The following NEK11 variants were observed in gnomAD, a reference collection of about 807,000 sequenced individuals.
The protein encoded by NEK11 is NIMA related kinase 11.
In NEK11, 72 loss-of-function variants were observed where a neutral mutation model predicts 80.7. The observed-to-expected ratio is 0.89, with a 90% CI of 0.74 to 1.08. NEK11 has a LOEUF of 1.08. NEK11 is among the 50% of genes least tolerant of loss of function. NEK11 has a pLI of 0.00. For synonymous variants in NEK11, 251 were observed against 260.7 expected (o/e 0.96, Z 0.36); for missense variants, 764 against 763.6 (o/e 1.00, Z -0.01).
rs909808205 is a variant in NEK11, at chr3:131,070,827, T to G, written c.171-9596T>G. 3.9e-5 allele frequency among the ~76,000 whole-genome samples: 6 copies of G among 152,174 alleles called. No homozygotes were observed. In the East Asian group the frequency reaches 1.2e-3, roughly 29 times the overall value. On this transcript the variant is annotated intron_variant, in intron 3 of 17. Transcript: ENST00000383366. ...CAGAATTGATGGTCTGTTTCCTCCT[T>G]CAAGAGGTAAATGGTGGCTCCATTG... is the stretch of plus-strand genomic sequence containing the variant.
chr3:131,040,832 A>G (rs768317161), intron 3 of NEK11, among the ~76,000 whole-genome samples: 45 of 152,148 alleles, frequency 3.0e-4, no homozygotes, highest in Non-Finnish European at 5.1e-4. Context: ...TTGGGTGTCA[A>G]TTTTCTCAGT....
intron 13 of NEK11, among the ~76,000 whole-genome samples, chr3:131,170,524 G>A (rs1265369986): frequency 1.3e-5 from 2 of 152,130 alleles, no homozygotes; most frequent in Non-Finnish European, 2.9e-5. Context: ...CATCCCACTT[G>A]GCTTATCTAG....
At chr3:131,311,168 T>C (rs1052841822) in intron 17 of NEK11, among the ~76,000 whole-genome samples, 6 of 152,358 alleles carry the variant, frequency 3.9e-5, no homozygotes, top group Middle Eastern at 3.4e-3. Flanking sequence ...GGGATACATG[T>C]GATATTTTGT....
chr3:131,237,525 G>T (rs1356907949), intron 15 of NEK11, among the ~76,000 whole-genome samples: 1 of 152,110 alleles, frequency 6.6e-6, no homozygotes, highest in Non-Finnish European at 1.5e-5. Context: ...TCCTAAATGT[G>T]TGCCTTCTAT....
At chr3:131,176,034 C>G (rs896644942) in intron 14 of NEK11, among the ~76,000 whole-genome samples, 1 of 152,110 alleles carries the variant, frequency 6.6e-6, no homozygotes, top group Non-Finnish European at 1.5e-5. Flanking sequence ...GGGGTCCTTT[C>G]CAAGGAGGAA....
intron 17 of NEK11, among the ~76,000 whole-genome samples, chr3:131,318,215 T>C (rs1216173549): frequency 2.0e-5 from 3 of 152,166 alleles, no homozygotes; most frequent in African/African-American, 7.2e-5. Context: ...CCTACTTCAG[T>C]TGTGCCATAG....
At chr3:131,335,260 G>C (rs2097161855) in intron 17 of NEK11, among the ~76,000 whole-genome samples, 1 of 152,142 alleles carries the variant, frequency 6.6e-6, no homozygotes, top group Non-Finnish European at 1.5e-5. Context: ...ACATCAAAAA[G>C]CTTATCCACC....
chr3:131,284,604 G>A (rs1039634181), intron 17 of NEK11, among the ~76,000 whole-genome samples: 4 of 152,208 alleles, frequency 2.6e-5, no homozygotes. Flanking sequence ...ATTTGAGTCA[G>A]TGGACTGGGA....
intron 16 of NEK11, among the ~76,000 whole-genome samples, chr3:131,254,926 A>G (rs1381500658): frequency 6.6e-6 from 1 of 151,936 alleles, no homozygotes; most frequent in Non-Finnish European, 1.5e-5. Flanking sequence ...AGGCTGAGGC[A>G]GGAGAATCGC....
intron 17 of NEK11, among the ~76,000 whole-genome samples, chr3:131,348,372 A>C (rs1239875229): frequency 6.6e-6 from 1 of 152,112 alleles, no homozygotes; most frequent in Non-Finnish European, 1.5e-5. Context: ...GAAGAACCGC[A>C]AAACAAAATC....
intron 14 of NEK11, among the ~76,000 whole-genome samples, chr3:131,207,012 C>T (rs1285662446): frequency 6.6e-6 from 1 of 152,132 alleles, no homozygotes; most frequent in East Asian, 1.9e-4. Context: ...TTTTTTATGG[C>T]TGCATAGTAT....
intron 14 of NEK11, among the ~76,000 whole-genome samples, chr3:131,183,074 C>T (rs553045091): frequency 1.3e-5 from 2 of 152,246 alleles, no homozygotes; most frequent in Admixed American, 6.5e-5. Context: ...ACAGGACCAA[C>T]CTTTGTGTGT....
chr3:131,156,063 C>A (rs1266672334), intron 10 of NEK11, among the ~76,000 whole-genome samples: 1 of 152,124 alleles, frequency 6.6e-6, no homozygotes, highest in Non-Finnish European at 1.5e-5. Flanking sequence ...AAATACTGGA[C>A]TAGTTTTAGC....
chr3:131,080,218 C>T (rs1193048019), intron 3 of NEK11, among the ~76,000 whole-genome samples: 1 of 152,018 alleles, frequency 6.6e-6, no homozygotes, highest in Non-Finnish European at 1.5e-5. Context: ...GTAGGATACA[C>T]AGATGAGGAG....
Position 131,133,874 on chromosome 3 carries a change from G to C in NEK11, c.565G>C (p.Ala189Pro). Residue 189 changes from alanine (A) to proline (P), a missense_variant, in exon 7 of 18, where the codon GCC becomes CCC. Transcript: ENST00000383366. ...ACTTCTAATGGGATCCTGTGACCTG[G>C]CCACAACTTTAACTGGAACTCCCCA... ...SRLLMGSCDL[A>P]TTLTGTPHYM... 2 of 1,612,018 alleles carry C rather than the reference G, an allele frequency of 1.2e-6. No individual in the cohort carries two copies. Among genetic ancestry groups the C allele is most frequent in the Non-Finnish European group, 1.7e-6 (2 of 1,178,618 alleles).
intron 17 of NEK11, among the ~76,000 whole-genome samples, chr3:131,348,813 A>C (rs868363604): frequency 3.3e-5 from 5 of 152,040 alleles, no homozygotes; most frequent in Middle Eastern, 3.2e-3. Flanking sequence ...CAGTTTCTTC[A>C]TCTGTAAAAT....
chr3:131,230,832 A>G (rs938561744), intron 15 of NEK11, among the ~76,000 whole-genome samples: 9 of 152,104 alleles, frequency 5.9e-5, no homozygotes, highest in Non-Finnish European at 8.8e-5. Context: ...CATAATTCCC[A>G]TGTGTTATGG....
At chr3:131,075,775 T>C (rs2074250557) in intron 3 of NEK11, among the ~76,000 whole-genome samples, 1 of 152,202 alleles carries the variant, frequency 6.6e-6, no homozygotes, top group Non-Finnish European at 1.5e-5. Flanking sequence ...AAAGTACTTC[T>C]GTGATGCATA....
At chr3:131,133,371 C>G (rs2084910393) in intron 6 of NEK11, 1 of 425,858 alleles carries the variant, frequency 2.3e-6, no homozygotes, top group Non-Finnish European at 4.6e-6. Context: ...TATTAAAAAG[C>G]TGATAGATTC....
Sources: allele counts gnomAD v4.1 joint callset (sites outside exome capture counted in the v4.1 genomes callset), GRCh38; gene constraint gnomAD v4.1.1; transcripts MANE v1.5; gene names NCBI Gene and HGNC (gene_info 2026-07-23, HGNC 2026-07-21).